The following GBE1 variants were observed in gnomAD, a reference collection of about 807,000 sequenced individuals.
The protein encoded by GBE1 is 1,4-alpha-glucan branching enzyme 1.
GBE1 carries 70 observed loss-of-function variants against 88.8 expected under a neutral mutation model. The observed-to-expected ratio is 0.79, with a 90% CI of 0.65 to 0.96. The LOEUF is 0.96. Among genes scored for constraint, GBE1 ranks in the 40% least tolerant of loss-of-function variants. The pLI, the probability that GBE1 is intolerant of heterozygous loss-of-function variation, is 0.00. For synonymous variants in GBE1, 284 were observed against 300.1 expected (o/e 0.95, Z 0.56); for missense variants, 872 against 871.0 (o/e 1.00, Z -0.01).
At chr3:81,750,345 T>C (rs1044802476) in intron 1 of GBE1, among the ~76,000 whole-genome samples, 1 of 151,406 alleles carries the variant, frequency 6.6e-6, no homozygotes, top group Admixed American at 6.6e-5. Flanking sequence ...AAAAAAATAA[T>C]TCATGCTTTA....
intron 1 of GBE1, among the ~76,000 whole-genome samples, chr3:81,749,148 C>G (rs1408478716): frequency 6.6e-6 from 1 of 151,946 alleles, no homozygotes; most frequent in African/African-American, 2.4e-5. Context: ...ATATTCATAT[C>G]TTAGGTTTAC....
intron 14 of GBE1, among the ~76,000 whole-genome samples, chr3:81,524,979 C>T (rs1702924654): frequency 6.6e-6 from 1 of 151,636 alleles, no homozygotes; most frequent in African/African-American, 2.4e-5. Flanking sequence ...TTCTTAATTT[C>T]GTTCTTGACC....
chr3:81,631,368 A>G (rs2107035546), intron 7 of GBE1, among the ~76,000 whole-genome samples: 1 of 150,846 alleles, frequency 6.6e-6, no homozygotes, highest in South Asian at 2.1e-4. Context: ...TAGTCCACAT[A>G]AAATCTACAC....
intron 12 of GBE1, among the ~76,000 whole-genome samples, chr3:81,552,960 G>T (rs1019113314): frequency 6.6e-6 from 1 of 152,170 alleles, no homozygotes; most frequent in Non-Finnish European, 1.5e-5. Flanking sequence ...GGAAAGTAAT[G>T]TGACTTTCTA....
At chr3:81,605,207 G>A (rs1704088190) in intron 7 of GBE1, among the ~76,000 whole-genome samples, 1 of 152,142 alleles carries the variant, frequency 6.6e-6, no homozygotes, top group Non-Finnish European at 1.5e-5. Context: ...GTTTGCTCCA[G>A]TTATAAATTT....
intron 14 of GBE1, among the ~76,000 whole-genome samples, chr3:81,516,160 T>C (rs1479616055): frequency 2.6e-5 from 4 of 151,642 alleles, no homozygotes; most frequent in Admixed American, 1.3e-4. Context: ...TCATAACTAC[T>C]GGGAAGACAG....
intron 3 of GBE1, among the ~76,000 whole-genome samples, chr3:81,666,693 C>T (rs932159277): frequency 6.6e-6 from 1 of 152,136 alleles, no homozygotes; most frequent in African/African-American, 2.4e-5. Flanking sequence ...CATGCCTTGG[C>T]TTTCCAAAAG....
At position 81,748,656 on chromosome 3, in the gene GBE1, G is replaced by A. The variant is rs557501499; in HGVS notation, c.143+12719C>T. Among the ~76,000 whole-genome samples, 50 of 151,868 alleles carry A rather than the reference G, an allele frequency of 3.3e-4. 1 individual carries two copies. In the South Asian group the frequency reaches 0.01, roughly 31 times the overall value. On this transcript the variant is annotated intron_variant, in intron 1 of 15. Coordinates refer to ENST00000429644, the MANE Select transcript of GBE1 (RefSeq NM_000158.4). ...ACAAAAATTAATGATAATACCAAAT[G>A]TTGGCAAGGATGCAGATCAACTGCA... is the stretch of plus-strand genomic sequence containing the variant.
At chr3:81,645,010 T>C (rs1031192843) in intron 6 of GBE1, among the ~76,000 whole-genome samples, 3 of 152,104 alleles carry the variant, frequency 2.0e-5, no homozygotes, top group African/African-American at 4.8e-5. Flanking sequence ...GGGAGGAAGT[T>C]TGAAGTTAAG....
chr3:81,629,331 A>G (rs540492688), intron 7 of GBE1, among the ~76,000 whole-genome samples: 76 of 151,218 alleles, frequency 5.0e-4, no homozygotes, highest in African/African-American at 1.7e-3. Context: ...TTCCAATTTC[A>G]TCCATGTCCC....
chr3:81,669,843 T>G (rs557641595), intron 3 of GBE1, among the ~76,000 whole-genome samples: 7 of 152,208 alleles, frequency 4.6e-5, no homozygotes, highest in Non-Finnish European at 1.0e-4. Flanking sequence ...TATTATAATG[T>G]GTGGCAATAT....
At chr3:81,503,419 G>A (rs2106816688) in intron 14 of GBE1, among the ~76,000 whole-genome samples, 1 of 152,132 alleles carries the variant, frequency 6.6e-6, no homozygotes, top group South Asian at 2.1e-4. Context: ...TTGAGAAAGT[G>A]TATCACAATA....
intron 3 of GBE1, 35 bp downstream of exon 3, chr3:81,670,803 A>AT: frequency 8.8e-7 from 1 of 1,137,748 alleles, no homozygotes. Flanking sequence ...AAAGAAAATG[A>AT]TAAGTTCAAG....
chr3:81,664,328 G>C (rs1327039122), intron 3 of GBE1, among the ~76,000 whole-genome samples: 1 of 151,806 alleles, frequency 6.6e-6, no homozygotes, highest in African/African-American at 2.4e-5. Context: ...AGTGGAATAA[G>C]GTTCACATGA....
intron 7 of GBE1, among the ~76,000 whole-genome samples, chr3:81,627,923 T>C (rs934791206): frequency 3.9e-5 from 6 of 151,984 alleles, no homozygotes; most frequent in African/African-American, 1.4e-4. Flanking sequence ...AGCACTGGAC[T>C]ACAGGCTAGG....
chr3:81,576,500 C>T (rs993509264), intron 12 of GBE1, among the ~76,000 whole-genome samples: 4 of 152,102 alleles, frequency 2.6e-5, no homozygotes, highest in African/African-American at 7.2e-5. Flanking sequence ...TGGTTATTTG[C>T]ATAGGTTCAT....
At chr3:81,699,714 TTATA>T (rs1401368010) in intron 2 of GBE1, among the ~76,000 whole-genome samples, 4 of 152,178 alleles carry the variant, frequency 2.6e-5, no homozygotes, top group Admixed American at 6.5e-5. Context: ...TGGCAGCTGA[TTATA>T]TTGCGCCCAC....
intron 1 of GBE1, among the ~76,000 whole-genome samples, chr3:81,709,573 T>C (rs1705826408): frequency 6.6e-6 from 1 of 152,150 alleles, no homozygotes; most frequent in African/African-American, 2.4e-5. Flanking sequence ...TTACTTTCAA[T>C]GTTGGTATCA....
At chr3:81,644,151 G>A (rs897970350) in intron 6 of GBE1, among the ~76,000 whole-genome samples, 6 of 151,518 alleles carry the variant, frequency 4.0e-5, no homozygotes, top group Non-Finnish European at 7.4e-5. Context: ...TCTATGTTCT[G>A]GAGATACACC....
Sources: allele counts gnomAD v4.1 joint callset (sites outside exome capture counted in the v4.1 genomes callset), GRCh38; gene constraint gnomAD v4.1.1; transcripts MANE v1.5; gene names NCBI Gene and HGNC (gene_info 2026-07-23, HGNC 2026-07-21).